Variants in LRRC4C observed in about 807,000 individuals in gnomAD.
LRRC4C encodes the protein leucine rich repeat containing 4C.
A neutral mutation model predicts 33.6 loss-of-function variants in LRRC4C; 5 were observed. The ratio of observed to expected loss-of-function variants is 0.15; its 90% CI spans 0.08 to 0.31. LRRC4C has a LOEUF of 0.31. Ranked by LOEUF, LRRC4C falls within the 10% of genes least tolerant of loss-of-function variation. The probability of loss-of-function intolerance (pLI) is 1.00; values close to 1 mark genes in which losing one functional copy is unlikely to be tolerated. For synonymous variants in LRRC4C, 329 were observed against 302.0 expected (o/e 1.09, Z -0.93); for missense variants, 560 against 796.7 (o/e 0.70, Z 3.58).
chr11:41,211,384 G>T (rs1241438585), intron 1 of LRRC4C, among the ~76,000 whole-genome samples: 2 of 151,890 alleles, frequency 1.3e-5, no homozygotes, highest in East Asian at 1.9e-4. Context: ...CAACTTGCAG[G>T]TTTGTTATAT....
intron 5 of LRRC4C, among the ~76,000 whole-genome samples, chr11:40,177,460 G>A (rs933352780): frequency 2.6e-5 from 4 of 151,762 alleles, no homozygotes; most frequent in Admixed American, 6.6e-5. Flanking sequence ...CTTTAGCTCC[G>A]ACTTCTCTCC....
At chr11:40,185,534 G>A (rs17477151) in intron 5 of LRRC4C, among the ~76,000 whole-genome samples, 10,614 of 152,234 alleles carry the variant, frequency 0.07, 496 homozygotes, top group Admixed American at 0.1. Flanking sequence ...AAGGTGTAAT[G>A]AAGGAAATTT....
chr11:40,357,376 T>A (rs765464254), intron 3 of LRRC4C, among the ~76,000 whole-genome samples: 1 of 152,144 alleles, frequency 6.6e-6, no homozygotes, highest in Non-Finnish European at 1.5e-5. Context: ...AGGGTCAATT[T>A]TGGGCTGCTT....
At chr11:40,152,068 G>A (rs61911824) in intron 5 of LRRC4C, among the ~76,000 whole-genome samples, 195 of 152,188 alleles carry the variant, frequency 1.3e-3, no homozygotes, top group Non-Finnish European at 2.3e-3. Context: ...AGGAACCACA[G>A]ACCCTCTGAA....
chr11:41,257,042 A>C (rs1948824169), intron 1 of LRRC4C, among the ~76,000 whole-genome samples: 1 of 151,972 alleles, frequency 6.6e-6, no homozygotes, highest in Non-Finnish European at 1.5e-5. Flanking sequence ...TAAAAGGAAA[A>C]CTTATCACTA....
chr11:41,173,400 T>C (rs1428794762), intron 1 of LRRC4C, among the ~76,000 whole-genome samples: 1 of 152,148 alleles, frequency 6.6e-6, no homozygotes, highest in Non-Finnish European at 1.5e-5. Context: ...TATTGAACAT[T>C]AACATTTCCT....
chr11:40,890,561 C>T (rs980443233), intron 2 of LRRC4C, among the ~76,000 whole-genome samples: 2 of 152,114 alleles, frequency 1.3e-5, no homozygotes, highest in Non-Finnish European at 2.9e-5. Context: ...AGCACTGCTG[C>T]ATACATTATT....
At chr11:40,529,143 T>C (rs1956174974) in intron 3 of LRRC4C, among the ~76,000 whole-genome samples, 3 of 152,088 alleles carry the variant, frequency 2.0e-5, no homozygotes, top group Non-Finnish European at 4.4e-5. Flanking sequence ...AGAAATTTAT[T>C]ATGAGGGTAG....
Position 41,246,475 on chromosome 11 carries a change from C to T in LRRC4C, c.-496+212956G>A, listed in dbSNP as rs1051353911. Among the ~76,000 whole-genome samples the T allele has an allele frequency of 2.0e-5, 3 of 152,158 alleles. No homozygotes were observed. In the East Asian group the frequency reaches 5.8e-4, roughly 29 times the overall value. On this transcript the variant is annotated intron_variant, in intron 1 of 6. Transcript: ENST00000528697. Reference sequence around the variant, plus strand: ...CCTGAGAGTGCAGAGATGCCCCATCCGCAGTCGTGGCTGAGCAGCTATAGC... The same window carrying T: ...CCTGAGAGTGCAGAGATGCCCCATCTGCAGTCGTGGCTGAGCAGCTATAGC...
rs1379536167 is a variant in LRRC4C at position 40,540,929 on chromosome 11, A to T, written c.-270+107213T>A. 2.0e-5 allele frequency among the ~76,000 whole-genome samples: 3 copies of T among 152,112 alleles called. No homozygotes were observed. The East Asian group carries it at 5.8e-4, about 29-fold the overall frequency. ...TGATTATCCCCAAAAGTCCATTTTA[A>T]TCTGCCCAGGAGGGATGATTGTGAC... On this transcript the variant is annotated intron_variant, in intron 3 of 6. Transcript: ENST00000528697.
At chr11:40,419,184 G>T (rs1950436113) in intron 3 of LRRC4C, among the ~76,000 whole-genome samples, 1 of 152,028 alleles carries the variant, frequency 6.6e-6, no homozygotes, top group African/African-American at 2.4e-5. Context: ...AAAACTGTAA[G>T]AAAATGTCAA....
chr11:40,680,184 C>T (rs896798805), intron 2 of LRRC4C, among the ~76,000 whole-genome samples: 4 of 152,160 alleles, frequency 2.6e-5, no homozygotes, highest in African/African-American at 9.7e-5. Flanking sequence ...GCCAATTTCT[C>T]CCATTTGCAA....
At chr11:41,118,932 T>G (rs1942281370) in intron 1 of LRRC4C, among the ~76,000 whole-genome samples, 1 of 152,102 alleles carries the variant, frequency 6.6e-6, no homozygotes, top group Non-Finnish European at 1.5e-5. Flanking sequence ...AAAATAGTTG[T>G]GCTCCTCCTG....
In LRRC4C at chr11:40,972,624, C is replaced by T. The variant is rs115240173; in HGVS notation, c.-495-38901G>A. On this transcript the variant is annotated intron_variant, in intron 1 of 6. Coordinates refer to ENST00000528697, the MANE Select transcript of LRRC4C (RefSeq NM_001258419.2). ...GGAGGGCTGAAGAAACTTACAATTACGGCAGAAGGCACCTCTTCACAAGGC... is the reference window on the plus strand; with the variant it reads ...GGAGGGCTGAAGAAACTTACAATTATGGCAGAAGGCACCTCTTCACAAGGC... Among the ~76,000 whole-genome samples the T allele has an allele frequency of 1.3e-3, 198 of 152,182 alleles. 1 individual carries two copies. Among genetic ancestry groups the T allele is most frequent in the Non-Finnish European group, 1.6e-3 (111 of 68,004 alleles).
chr11:40,616,787 C>T (rs535802090), intron 3 of LRRC4C, among the ~76,000 whole-genome samples: 2 of 151,808 alleles, frequency 1.3e-5, no homozygotes, highest in Admixed American at 1.3e-4. Flanking sequence ...GCAGTGATAG[C>T]ATTAGGAGAT....
intron 1 of LRRC4C, among the ~76,000 whole-genome samples, chr11:41,117,744 A>T (rs1230860750): frequency 6.6e-6 from 1 of 152,166 alleles, no homozygotes; most frequent in Non-Finnish European, 1.5e-5. Flanking sequence ...ATTATAATTG[A>T]AAAAATGAAC....
At chr11:40,512,265 C>T (rs903371621) in intron 3 of LRRC4C, among the ~76,000 whole-genome samples, 15 of 152,028 alleles carry the variant, frequency 9.9e-5, no homozygotes, top group Non-Finnish European at 1.9e-4. Flanking sequence ...GTTCCAGCTA[C>T]TCGGCAGCTG....
chr11:40,594,093 C>T (rs1591217888), intron 3 of LRRC4C, among the ~76,000 whole-genome samples: 2 of 152,160 alleles, frequency 1.3e-5, no homozygotes, highest in South Asian at 2.1e-4. Flanking sequence ...GCCTCTCCAA[C>T]TCTCCTTAGC....
At chr11:41,280,964 G>A (rs770086389) in intron 1 of LRRC4C, among the ~76,000 whole-genome samples, 2 of 150,892 alleles carry the variant, frequency 1.3e-5, no homozygotes, top group African/African-American at 2.4e-5. Context: ...AGAAAACAAG[G>A]CATGCAGAAA....
Sources: gnomAD v4.1 joint callset for allele counts (sites outside exome capture counted in the v4.1 genomes callset) on GRCh38, gnomAD v4.1.1 for gene constraint, MANE v1.5 for transcripts, NCBI Gene and HGNC (gene_info 2026-07-23, HGNC 2026-07-21) for gene names.